Variants in TRIO observed in about 807,000 individuals in gnomAD.
The protein encoded by TRIO is triple functional domain protein.
In TRIO, 58 loss-of-function variants were observed where a neutral mutation model predicts 351.9. The observed-to-expected ratio is 0.16, with a 90% CI of 0.13 to 0.21. The LOEUF (loss-of-function observed/expected upper bound fraction) is 0.21. Among genes scored for constraint, TRIO ranks in the 10% least tolerant of loss-of-function variants. TRIO has a pLI of 1.00. For synonymous variants in TRIO, 1,758 were observed against 1,595.7 expected, an observed-to-expected ratio of 1.10 and a Z score of -2.42; for missense variants, 3,201 against 4,027.8, an observed-to-expected ratio of 0.79 and a Z score of 5.56.
intron 34 of TRIO, among the ~76,000 whole-genome samples, chr5:14,443,792 G>T (rs73061668): frequency 6.6e-6 from 1 of 152,200 alleles, no homozygotes; most frequent in Non-Finnish European, 1.5e-5. Context: ...CTAAGCGATT[G>T]TTAAGAAAAT....
intron 12 of TRIO, 53 bp from the exon 13 acceptor site, chr5:14,359,304 T>C (rs1475938246): frequency 2.2e-5 from 34 of 1,581,076 alleles, no homozygotes; most frequent in Non-Finnish European, 2.9e-5. Context: ...ATCTGGTATC[T>C]AACAATGTGT....
rs559610326 is a variant in TRIO at position 14,279,492 on chromosome 5, A to G, written c.233-830A>G. 2.6e-5 allele frequency among the ~76,000 whole-genome samples: 4 copies of G among 152,356 alleles called. No individual in the cohort carries two copies. In the South Asian group the frequency reaches 8.3e-4, roughly 32 times the overall value. ...GAGATCATTAGAGTTCTAAAACTAAATGAAGGATCCACTTGAGAAGGCTAA... is the reference window on the plus strand; with the variant it reads ...GAGATCATTAGAGTTCTAAAACTAAGTGAAGGATCCACTTGAGAAGGCTAA... On this transcript the variant is annotated intron_variant, in intron 2 of 56. Transcript: ENST00000344204.
intron 1 of TRIO, among the ~76,000 whole-genome samples, chr5:14,160,935 G>C (rs187404200): frequency 6.6e-6 from 1 of 152,232 alleles, no homozygotes; most frequent in Non-Finnish European, 1.5e-5. Context: ...TTTTGAGATG[G>C]AGTCTTGCTC....
chr5:14,366,586 G>A (rs979827412), intron 15 of TRIO, among the ~76,000 whole-genome samples: 3 of 152,078 alleles, frequency 2.0e-5, no homozygotes, highest in African/African-American at 7.2e-5. Context: ...TTTGACTTGT[G>A]GACTAATTAT....
At chr5:14,425,302 G>A (rs1750552558) in intron 34 of TRIO, among the ~76,000 whole-genome samples, 2 of 152,194 alleles carry the variant, frequency 1.3e-5, no homozygotes, top group African/African-American at 2.4e-5. Flanking sequence ...GGTGCCTCAT[G>A]TGAGTAGAAA....
chr5:14,159,225 T>C (rs1788285007), intron 1 of TRIO, among the ~76,000 whole-genome samples: 1 of 152,068 alleles, frequency 6.6e-6, no homozygotes, highest in Non-Finnish European at 1.5e-5. Context: ...AAGGAGGGGA[T>C]TGTGGATAAG....
chr5:14,176,014 C>T (rs113203640), intron 1 of TRIO, among the ~76,000 whole-genome samples: 71 of 152,308 alleles, frequency 4.7e-4, no homozygotes, highest in African/African-American at 1.7e-3. Flanking sequence ...ATGCTAATTC[C>T]TTAGAAAAGC....
At chr5:14,367,649 T>C (rs533818684) in intron 16 of TRIO, among the ~76,000 whole-genome samples, 1 of 152,296 alleles carries the variant, frequency 6.6e-6, no homozygotes, top group South Asian at 2.1e-4. Flanking sequence ...ATGGTTCTGA[T>C]TGGTAGTGGT....
chr5:14,426,746 G>A (rs907076519), intron 34 of TRIO, among the ~76,000 whole-genome samples: 17 of 152,320 alleles, frequency 1.1e-4, no homozygotes, highest in Admixed American at 9.1e-4. Flanking sequence ...GGGTTGCGGG[G>A]GGAGCTTTAA....
chr5:14,450,182 T>C (rs984785010), intron 34 of TRIO, among the ~76,000 whole-genome samples: 1 of 152,232 alleles, frequency 6.6e-6, no homozygotes, highest in Non-Finnish European at 1.5e-5. Flanking sequence ...CTCATATCTC[T>C]AGGACTCCTC....
At chr5:14,221,745 G>T (rs1792638635) in intron 1 of TRIO, among the ~76,000 whole-genome samples, 1 of 152,046 alleles carries the variant, frequency 6.6e-6, no homozygotes, top group Non-Finnish European at 1.5e-5. Flanking sequence ...TCATGAATGA[G>T]CAAAGAAAGT....
At chr5:14,329,161 TAA>T (rs1054045934) in intron 9 of TRIO, among the ~76,000 whole-genome samples, 2 of 152,242 alleles carry the variant, frequency 1.3e-5, no homozygotes, top group Admixed American at 1.3e-4. Context: ...AACCACAAGC[TAA>T]GCCCCTTTTA....
intron 34 of TRIO, among the ~76,000 whole-genome samples, chr5:14,450,836 C>G (rs1410956662): frequency 3.3e-5 from 5 of 152,140 alleles, no homozygotes; most frequent in Non-Finnish European, 7.4e-5. Context: ...GGAGAGAACC[C>G]CTGGGGACGC....
chr5:14,261,070 C>G (rs932959356), intron 1 of TRIO, among the ~76,000 whole-genome samples: 1 of 152,164 alleles, frequency 6.6e-6, no homozygotes, highest in South Asian at 2.1e-4. Context: ...AGAATCAGAA[C>G]CTTTGAGTTT....
chr5:14,380,292 TCCTCCTTC>T (rs1335574489), intron 20 of TRIO, among the ~76,000 whole-genome samples: 16 of 114,766 alleles, frequency 1.4e-4, no homozygotes, highest in African/African-American at 8.3e-4. Context: ...GCGCCCCGCC[TCCTCCTTC>T]GCGCCCCGCC....
chr5:14,419,003 T>C (rs1749884443), intron 33 of TRIO, among the ~76,000 whole-genome samples: 1 of 152,002 alleles, frequency 6.6e-6, no homozygotes, highest in Non-Finnish European at 1.5e-5. Context: ...TGGATGAGCT[T>C]TGAAGGACCG....
intron 34 of TRIO, among the ~76,000 whole-genome samples, chr5:14,439,318 C>T (rs1466374455): frequency 6.6e-6 from 1 of 152,200 alleles, no homozygotes; most frequent in African/African-American, 2.4e-5. Context: ...CTGGCCCAAA[C>T]TTGAGATTTG....
chr5:14,227,854 C>T (rs984311936), intron 1 of TRIO, among the ~76,000 whole-genome samples: 2 of 152,164 alleles, frequency 1.3e-5, no homozygotes, highest in Non-Finnish European at 2.9e-5. Context: ...AGAATGTTAG[C>T]TTTTCAGTGT....
intron 1 of TRIO, among the ~76,000 whole-genome samples, chr5:14,264,321 G>A (rs1452091825): frequency 6.6e-6 from 1 of 152,000 alleles, no homozygotes; most frequent in Non-Finnish European, 1.5e-5. Flanking sequence ...GAGGTATGCT[G>A]TTATAGGCTG....
Sources: gnomAD v4.1 joint callset for allele counts (sites outside exome capture counted in the v4.1 genomes callset) on GRCh38, gnomAD v4.1.1 for gene constraint, MANE v1.5 for transcripts, NCBI Gene and HGNC (gene_info 2026-07-23, HGNC 2026-07-21) for gene names.